Variants in NAV2 observed in about 807,000 individuals in gnomAD.
The protein encoded by NAV2 is neuron navigator 2.
Under a neutral mutation model 223.2 loss-of-function variants are expected in NAV2, and 54 were observed. The observed-to-expected ratio is 0.24, with a 90% CI of 0.19 to 0.30. NAV2 has a LOEUF of 0.30. NAV2 is among the 10% of genes least tolerant of loss of function. The probability of loss-of-function intolerance (pLI) is 1.00; values close to 1 mark genes in which losing one functional copy is unlikely to be tolerated. For synonymous variants in NAV2, 1,279 were observed against 1,239.3 expected, an observed-to-expected ratio of 1.03 and a Z score of -0.67; for missense variants, 2,806 against 3,147.5, an observed-to-expected ratio of 0.89 and a Z score of 2.60.
intron 1 of NAV2, among the ~76,000 whole-genome samples, chr11:19,742,238 C>T (rs536002624): frequency 6.6e-6 from 1 of 152,336 alleles, no homozygotes; most frequent in African/African-American, 2.4e-5. Flanking sequence ...AATACTGGCT[C>T]TACCACTTCC....
At position 20,078,455 on chromosome 11, in the gene NAV2, A is replaced by G. The variant is rs556847023; in HGVS notation, c.5179+351A>G. On this transcript the variant is annotated intron_variant, in intron 24 of 37. Coordinates refer to ENST00000349880, the MANE Select transcript of NAV2 (RefSeq NM_145117.5). ...AACTGAGTTCCTCCCTTATTTGTCC[A>G]AGAAAAGATTTCTTTTTTTTTCTGA... 3.3e-5 allele frequency among the ~76,000 whole-genome samples: 5 copies of G among 152,322 alleles called. No individual in the cohort carries two copies. In the East Asian group the frequency reaches 9.6e-4, roughly 29 times the overall value.
chr11:19,965,626 G>C (rs1685439148), intron 10 of NAV2, among the ~76,000 whole-genome samples: 1 of 152,228 alleles, frequency 6.6e-6, no homozygotes, highest in African/African-American at 2.4e-5. Context: ...TGGTGAGAGA[G>C]ATCTTTCTAG....
At chr11:19,396,621 G>A (rs1184344649) in intron 1 of NAV2, among the ~76,000 whole-genome samples, 1 of 152,182 alleles carries the variant, frequency 6.6e-6, no homozygotes, top group African/African-American at 2.4e-5. Flanking sequence ...GGTCTCAACA[G>A]TACGCTGGTT....
At chr11:19,806,704 T>A (rs993742352) in intron 1 of NAV2, among the ~76,000 whole-genome samples, 10 of 152,212 alleles carry the variant, frequency 6.6e-5, no homozygotes, top group African/African-American at 2.2e-4. Flanking sequence ...AGGCTTTGTA[T>A]GCTGATGCTT....
At chr11:20,083,206 C>A (rs370221459) in intron 26 of NAV2, 27 bp downstream of exon 26, 25 of 1,587,786 alleles carry the variant, frequency 1.6e-5, no homozygotes, top group Non-Finnish European at 2.1e-5. Flanking sequence ...AGTCAGATAA[C>A]ATCTTTGGCC....
Position 19,712,922 on chromosome 11 carries a change from G to A in NAV2, c.-774G>A, listed in dbSNP as rs1413407702. On this transcript the variant is annotated 5_prime_UTR_variant, in exon 1 of 38. Coordinates refer to ENST00000349880, the MANE Select transcript of NAV2 (RefSeq NM_145117.5). ...TCCCGAGCGCAGCCCTGCCCGGCCCGCCAGCCGCGCGTCCCGGCGCCCGCG... is the reference window on the plus strand; with the variant it reads ...TCCCGAGCGCAGCCCTGCCCGGCCCACCAGCCGCGCGTCCCGGCGCCCGCG... 2.0e-5 allele frequency among the ~76,000 whole-genome samples: 3 copies of A among 151,430 alleles called. No individual in the cohort carries two copies. Among genetic ancestry groups the A allele is most frequent in the African/African-American group, 4.8e-5 (2 of 41,350 alleles).
At chr11:19,724,378 G>T (rs1178981821) in intron 1 of NAV2, among the ~76,000 whole-genome samples, 1 of 152,034 alleles carries the variant, frequency 6.6e-6, no homozygotes, top group African/African-American at 2.4e-5. Flanking sequence ...TAAGAGACTG[G>T]GTGTCTCTCT....
chr11:19,666,290 A>G (rs1403107412), intron 1 of NAV2, among the ~76,000 whole-genome samples: 1 of 152,224 alleles, frequency 6.6e-6, no homozygotes, highest in Non-Finnish European at 1.5e-5. Context: ...GGCCCAACAC[A>G]TATAATGGAA....
intron 1 of NAV2, among the ~76,000 whole-genome samples, chr11:19,360,641 C>G (rs1469862369): frequency 2.6e-5 from 4 of 152,160 alleles, no homozygotes; most frequent in Non-Finnish European, 5.9e-5. Context: ...TAAAACCTAG[C>G]TTTTGAGGGT....
chr11:19,717,608 A>G (rs1242136372), intron 1 of NAV2, among the ~76,000 whole-genome samples: 1 of 152,230 alleles, frequency 6.6e-6, no homozygotes, highest in Non-Finnish European at 1.5e-5. Flanking sequence ...TTCCCTTTCA[A>G]AAGGTGATGA....
intron 32 of NAV2, among the ~76,000 whole-genome samples, chr11:20,102,226 G>T (rs2061689748): frequency 6.6e-6 from 1 of 152,158 alleles, no homozygotes; most frequent in Non-Finnish European, 1.5e-5. Context: ...GGGACTAAGA[G>T]AACTAGCCAC....
At chr11:19,491,380 A>G (rs543540053) in intron 1 of NAV2, among the ~76,000 whole-genome samples, 2 of 152,200 alleles carry the variant, frequency 1.3e-5, no homozygotes, top group African/African-American at 2.4e-5. Context: ...ACCTTCATCA[A>G]TGATGTTAGC....
At chr11:19,507,758 T>G (rs1389124596) in intron 1 of NAV2, among the ~76,000 whole-genome samples, 1 of 152,216 alleles carries the variant, frequency 6.6e-6, no homozygotes, top group African/African-American at 2.4e-5. Flanking sequence ...ATTGAAGGCT[T>G]CCACCTATAT....
chr11:19,555,866 C>T (rs1311806301), intron 1 of NAV2, among the ~76,000 whole-genome samples: 2 of 152,154 alleles, frequency 1.3e-5, no homozygotes, highest in East Asian at 3.9e-4. Context: ...GCCCCAGCCC[C>T]AGCCTGAGTG....
chr11:19,586,449 G>A (rs1194797731), intron 1 of NAV2, among the ~76,000 whole-genome samples: 1 of 152,134 alleles, frequency 6.6e-6, no homozygotes, highest in Non-Finnish European at 1.5e-5. Flanking sequence ...TAGGAGGAGA[G>A]GTGCTCTGAT....
chr11:19,590,906 C>T (rs2046041496), intron 1 of NAV2, among the ~76,000 whole-genome samples: 1 of 152,156 alleles, frequency 6.6e-6, no homozygotes, highest in Non-Finnish European at 1.5e-5. Flanking sequence ...AATCCACAGT[C>T]CTTCTGTCCA....
At chr11:19,452,000 A>C (rs1851804316) in intron 1 of NAV2, among the ~76,000 whole-genome samples, 1 of 152,176 alleles carries the variant, frequency 6.6e-6, no homozygotes, top group South Asian at 2.1e-4. Flanking sequence ...TGTCTTTACC[A>C]TGAAGTATCC....
At chr11:19,667,004 C>T (rs192104759) in intron 1 of NAV2, among the ~76,000 whole-genome samples, 21 of 152,244 alleles carry the variant, frequency 1.4e-4, no homozygotes, top group Non-Finnish European at 2.8e-4. Context: ...CTCCAGAAGG[C>T]CCTCCCCAGC....
At chr11:19,894,972 C>T (rs911035109) in intron 6 of NAV2, among the ~76,000 whole-genome samples, 9 of 151,436 alleles carry the variant, frequency 5.9e-5, no homozygotes, top group South Asian at 2.1e-4. Flanking sequence ...TCAGTTGATC[C>T]GCCCGCCTCT....
Sources: allele counts gnomAD v4.1 joint callset (sites outside exome capture counted in the v4.1 genomes callset), GRCh38; gene constraint gnomAD v4.1.1; transcripts MANE v1.5; gene names NCBI Gene and HGNC (gene_info 2026-07-23, HGNC 2026-07-21).